The following AP3M1 variants were observed in gnomAD, a reference collection of about 807,000 sequenced individuals.
AP3M1 encodes the protein adaptor related protein complex 3 subunit mu 1, also known as AP-3 complex subunit mu-1.
In AP3M1, 29 loss-of-function variants were observed where a neutral mutation model predicts 42.6. The ratio of observed to expected loss-of-function variants is 0.68; its 90% CI spans 0.51 to 0.93. The LOEUF (loss-of-function observed/expected upper bound fraction) is 0.93. AP3M1 is among the 40% of genes least tolerant of loss of function. The pLI, the probability that AP3M1 is intolerant of heterozygous loss-of-function variation, is 0.00. For missense variants in AP3M1, 416 were observed against 510.2 expected (o/e 0.82, Z 1.78); for synonymous variants, 178 against 175.3 (o/e 1.02, Z -0.12).
At chr10:74,128,265 G>C (rs1840678985) in intron 6 of AP3M1, among the ~76,000 whole-genome samples, 1 of 150,080 alleles carries the variant, frequency 6.7e-6, no homozygotes, top group Non-Finnish European at 1.5e-5. Context: ...TTTTGAGATG[G>C]AGTTTTACCC....
chr10:74,145,458 TTACTTCTTCTA>T (rs1185557535), intron 1 of AP3M1, among the ~76,000 whole-genome samples: 1 of 152,262 alleles, frequency 6.6e-6, no homozygotes, highest in East Asian at 1.9e-4. Context: ...AAAAGAGAGC[TTACTTCTTCTA>T]TCCATATTAT....
At chr10:74,146,880 GA>G (rs781477469) in intron 1 of AP3M1, among the ~76,000 whole-genome samples, 1,381 of 133,874 alleles carry the variant, frequency 0.01, 14 homozygotes, top group Non-Finnish European at 0.016. Flanking sequence ...AGAGTCCTAA[GA>G]AAAAAAAAAA....
At chr10:74,144,094 T>C (rs1230090847) in intron 1 of AP3M1, among the ~76,000 whole-genome samples, 2 of 152,116 alleles carry the variant, frequency 1.3e-5, no homozygotes, top group Admixed American at 1.3e-4. Flanking sequence ...CCCGAGTAGC[T>C]GGGACTACAG....
chr10:74,141,108 T>G (rs1841132699), intron 1 of AP3M1, among the ~76,000 whole-genome samples: 1 of 152,108 alleles, frequency 6.6e-6, no homozygotes, highest in South Asian at 2.1e-4. Context: ...TGAAACCATA[T>G]ATCTTAAAGG....
At position 74,123,850 on chromosome 10, in the gene AP3M1, T is replaced by G; in HGVS notation, c.1217A>C (p.Lys406Thr). 1 of 1,614,212 alleles carries G rather than the reference T, an allele frequency of 6.2e-7. No individual in the cohort carries two copies. Among genetic ancestry groups the G allele is most frequent in the Non-Finnish European group, 8.5e-7 (1 of 1,180,020 alleles). The change falls in exon 9 of 9, where the codon AAA (lysine) becomes ACA (threonine). Residue 406 changes from lysine (K) to threonine (T), a missense_variant. Coordinates refer to ENST00000355264, the MANE Select transcript of AP3M1 (RefSeq NM_012095.6). The stretch of plus-strand genomic sequence containing the variant: ...GAACTTTCCAGCTTTCGTGACGTAT[T>G]TGACTCCTTTAAATGGCTTATATTT... Reference protein sequence around the residue: ...GEKYKPFKGVKYVTKAGKFQV... With the variant: ...GEKYKPFKGVTYVTKAGKFQV...
intron 3 of AP3M1, among the ~76,000 whole-genome samples, chr10:74,135,167 T>C (rs543825755): frequency 6.6e-6 from 1 of 152,358 alleles, no homozygotes; most frequent in East Asian, 1.9e-4. Context: ...AAAAGCTAAA[T>C]ATTTATCCTA....
intron 4 of AP3M1, among the ~76,000 whole-genome samples, chr10:74,132,499 T>C (rs1387553085): frequency 2.0e-5 from 3 of 151,936 alleles, no homozygotes; most frequent in Non-Finnish European, 4.4e-5. Flanking sequence ...AAGACCAGCC[T>C]GGGCAACATG....
chr10:74,149,276 T>G (rs1456769413), intron 1 of AP3M1, among the ~76,000 whole-genome samples: 22 of 17,128 alleles, frequency 1.3e-3, no homozygotes, highest in Non-Finnish European at 2.6e-3. Flanking sequence ...GGTTTTTTTT[T>G]TTTTTTTTTT....
chr10:74,143,892 C>T (rs1323411592), intron 1 of AP3M1, among the ~76,000 whole-genome samples: 1 of 152,220 alleles, frequency 6.6e-6, no homozygotes, highest in African/African-American at 2.4e-5. Flanking sequence ...GTAGCCACTA[C>T]ACCCATGGCT....
At chr10:74,130,100 T>C in intron 4 of AP3M1, 108 bp from the exon 5 acceptor site, 1 of 804,822 alleles carries the variant, frequency 1.2e-6, no homozygotes, top group Admixed American at 2.3e-5. Flanking sequence ...AGACAGAGTC[T>C]TGCTCTGTTG....
At position 74,123,751 on chromosome 10, in the gene AP3M1, G is replaced by T; in HGVS notation, c.*59C>A. ...ATTCCCACTCACTTGGTACCTAATA[G>T]TGATACATCGTAATGACACTTGGAA... On this transcript the variant is annotated 3_prime_UTR_variant, in exon 9 of 9. Coordinates refer to ENST00000355264, the MANE Select transcript of AP3M1 (RefSeq NM_012095.6). 7.7e-7 allele frequency: 1 copy of T among 1,293,076 alleles called. No individual in the cohort carries two copies. Among genetic ancestry groups the T allele is most frequent in the Non-Finnish European group, 1.1e-6 (1 of 887,452 alleles). The allele number at this position is 1,293,076 out of a possible 1,614,324, so 80.1% of individuals were successfully genotyped here.
At chr10:74,125,271 GC>G (rs1467834797) in intron 7 of AP3M1, among the ~76,000 whole-genome samples, 1 of 152,202 alleles carries the variant, frequency 6.6e-6, no homozygotes, top group South Asian at 2.1e-4. Flanking sequence ...AAGCCACTGC[GC>G]CCAGCCTCTG....
At chr10:74,149,267 GTTTTTTTTTTTTTTTTT>G (rs57279906) in intron 1 of AP3M1, among the ~76,000 whole-genome samples, 156 of 60,082 alleles carry the variant, frequency 2.6e-3, no homozygotes, top group Middle Eastern at 0.017. Flanking sequence ...GATACGTAAG[GTTTTTTTTTTTTTTTTT>G]TTTTTTTTTT....
intron 6 of AP3M1, among the ~76,000 whole-genome samples, chr10:74,128,100 T>TAAAAAAA (rs754897677): frequency 2.9e-5 from 2 of 68,422 alleles, no homozygotes; most frequent in African/African-American, 6.4e-5. Flanking sequence ...AACTCCGGCT[T>TAAAAAAA]AAAAAAAAAA....
intron 4 of AP3M1, among the ~76,000 whole-genome samples, chr10:74,132,673 A>G (rs1015474859): frequency 6.6e-6 from 1 of 151,844 alleles, no homozygotes; most frequent in Non-Finnish European, 1.5e-5. Context: ...GACTGCGCCA[A>G]TGCACTCCAG....
chr10:74,144,745 C>A lies in AP3M1; in HGVS notation c.-4+6010G>T, dbSNP rs557490297. Reference sequence around the variant, plus strand: ...TGGCACGATTTCCTCTTACCACAACCTCCGCCTGCTGGGTTCAAGCGATTC... The same window carrying A: ...TGGCACGATTTCCTCTTACCACAACATCCGCCTGCTGGGTTCAAGCGATTC... On this transcript the variant is annotated intron_variant, in intron 1 of 8. Coordinates refer to ENST00000355264, the MANE Select transcript of AP3M1 (RefSeq NM_012095.6). 3.0e-3 allele frequency among the ~76,000 whole-genome samples: 452 copies of A among 151,996 alleles called. 2 individuals are homozygous for A. The highest frequency in any genetic ancestry group is 0.01 in the African/African-American group (432 of 41,408).
At chr10:74,126,970 CAAAAAAAAAAAAA>C (rs58110411) in intron 6 of AP3M1, among the ~76,000 whole-genome samples, 7 of 32,354 alleles carry the variant, frequency 2.2e-4, no homozygotes, top group Admixed American at 1.3e-3. Context: ...GACGCCATCT[CAAAAAAAAAAAAA>C]AAAAAAAAAA....
At chr10:74,149,062 G>A (rs374081213) in intron 1 of AP3M1, among the ~76,000 whole-genome samples, 5 of 150,802 alleles carry the variant, frequency 3.3e-5, no homozygotes, top group South Asian at 4.2e-4. Context: ...TAGTAGTGAC[G>A]GGGTTTCTCC....
chr10:74,124,267 A>G, intron 8 of AP3M1, 113 bp downstream of exon 8: 1 of 1,341,324 alleles, frequency 7.5e-7, no homozygotes, highest in Non-Finnish European at 1.0e-6. Flanking sequence ...TATAAAAGGC[A>G]AATGGGCTAC....
Sources: allele counts gnomAD v4.1 joint callset (sites outside exome capture counted in the v4.1 genomes callset), GRCh38; gene constraint gnomAD v4.1.1; transcripts MANE v1.5; gene names NCBI Gene and HGNC (gene_info 2026-07-23, HGNC 2026-07-21).